SEMA3G: variants seen among roughly 807,000 people sequenced by gnomAD.
SEMA3G encodes semaphorin 3G.
A neutral mutation model predicts 86.2 loss-of-function variants in SEMA3G; 70 were observed. The observed-to-expected ratio is 0.81, with a 90% CI of 0.67 to 0.99. The LOEUF (loss-of-function observed/expected upper bound fraction) is 0.99. Ranked by LOEUF, SEMA3G falls within the 50% of genes least tolerant of loss-of-function variation. The probability of loss-of-function intolerance (pLI) is 0.00; values close to 1 mark genes in which losing one functional copy is unlikely to be tolerated. For synonymous variants in SEMA3G, 416 were observed against 441.4 expected (o/e 0.94, Z 0.72); for missense variants, 1,002 against 1,072.4 (o/e 0.93, Z 0.92).
chr3:52,442,016 G>A lies in SEMA3G; in HGVS notation c.460-107C>T, dbSNP rs544165383. The A allele has an allele frequency of 5.5e-5, 72 of 1,312,540 alleles. No individual in the cohort carries two copies. The highest frequency in any genetic ancestry group is 4.1e-4 in the Admixed American group (19 of 46,818). The allele number at this position is 1,312,540 out of a possible 1,614,324, so 81.3% of individuals were successfully genotyped here. ...GTGCGGCCAGAGAGCGGGGGTGGGC[G>A]GAAGGCGTCCTCATCCAGGGCCCCT... is the stretch of plus-strand genomic sequence containing the variant. On this transcript the variant is annotated intron_variant, in intron 4 of 15. Coordinates refer to ENST00000231721, the MANE Select transcript of SEMA3G (RefSeq NM_020163.3). This position sits in a 1 kb window ranked among gnomAD's most constrained non-coding sequence, Gnocchi z 6.1.
chr3:52,442,866 G>T lies in SEMA3G; in HGVS notation c.157C>A (p.Gln53Lys). 6.2e-7 allele frequency: 1 copy of T among 1,608,620 alleles called. No homozygotes were observed. The highest frequency in any genetic ancestry group is 8.5e-7 in the Non-Finnish European group (1 of 1,177,538). ...ATGGCCTGGAGGTTCAGGGAGCCCT[G>T]GGGGCCCAGAAAGATGGCAGAGCGG... ...ANRSAIFLGP[Q>K]GSLNLQAMYL... The change falls in exon 2 of 16, where the codon CAG becomes AAG. Residue 53 changes from glutamine to lysine, a missense_variant. Gln to Lys is a moderately conservative substitution (Grantham distance 53). Transcript: ENST00000231721. This position sits in a 1 kb window ranked among gnomAD's most constrained non-coding sequence, Gnocchi z 6.1.
In SEMA3G at chr3:52,441,012, A is replaced by G; in HGVS notation, c.850T>C (p.Trp284Arg). Reference sequence around the variant, plus strand: ...AGCCTGGCCTTGAGGAAAGTGCTCCATTTGTTCACCAGCACCCGCTGGCCC... The same window carrying G: ...AGCCTGGCCTTGAGGAAAGTGCTCCGTTTGTTCACCAGCACCCGCTGGCCC... ...AGGQRVLVNK[W>R]STFLKARLVC... Residue 284 changes from tryptophan to arginine, a missense_variant, in exon 8 of 16, where the codon TGG becomes CGG. Trp to Arg is a moderately radical substitution (Grantham distance 101). Transcript: ENST00000231721. 6.2e-7 allele frequency: 1 copy of G among 1,603,890 alleles called. No individual in the cohort carries two copies. Among genetic ancestry groups the G allele is most frequent in the Non-Finnish European group, 8.5e-7 (1 of 1,179,544 alleles).
rs200142915 is a variant in SEMA3G, at chr3:52,436,003, G to T, written c.1949C>A (p.Ala650Glu). The part of the protein sequence containing the change: ...LLFRRLSRFD[A>E]GTYTCTTLEH... Reference sequence around the variant, plus strand: ...CAGAGTGGTGCAGGTGTAGGTGCCCGCATCGAAACGGCTAAGCCTGCGGAA... The same window carrying T: ...CAGAGTGGTGCAGGTGTAGGTGCCCTCATCGAAACGGCTAAGCCTGCGGAA... The change falls in exon 16 of 16, where the codon GCG becomes GAG. Residue 650 changes from alanine (A) to glutamate (E), a missense_variant. Ala to Glu is a moderately radical substitution (Grantham distance 107). Coordinates refer to ENST00000231721, the MANE Select transcript of SEMA3G (RefSeq NM_020163.3). 2.5e-6 allele frequency: 4 copies of T among 1,613,790 alleles called. No homozygotes were observed. The highest frequency in any genetic ancestry group is 2.2e-5 in the East Asian group (1 of 44,882).
Position 52,441,849 on chromosome 3 carries a change from G to A in SEMA3G, c.520C>T (p.Pro174Ser). 6.2e-7 allele frequency: 1 copy of A among 1,601,064 alleles called. No homozygotes were observed. The highest frequency in any genetic ancestry group is 8.5e-7 in the Non-Finnish European group (1 of 1,174,038). Reference protein sequence around the residue: ...ESGRGRCPHEPSRPFASTFID... With the variant: ...ESGRGRCPHESSRPFASTFID... ...AAGGTGCTGGCAAAGGGACGGCTGG[G>A]CTCGTGAGGGCACCGCCCCCGGCCA... Residue 174 changes from proline to serine, a missense_variant, in exon 5 of 16, where the codon CCC becomes TCC. Coordinates refer to ENST00000231721, the MANE Select transcript of SEMA3G (RefSeq NM_020163.3).
chr3:52,438,823 A>G (rs1378641033), intron 13 of SEMA3G, 97 bp downstream of exon 13: 5 of 1,567,966 alleles, frequency 3.2e-6, no homozygotes, highest in African/African-American at 2.7e-5. Context: ...CCCAGACTAC[A>G]GTGGAGCTCG....
intron 13 of SEMA3G, 101 bp downstream of exon 13, chr3:52,438,819 C>T: frequency 6.4e-7 from 1 of 1,564,200 alleles, no homozygotes; most frequent in East Asian, 2.3e-5. Flanking sequence ...TTTCCCCAGA[C>T]TACAGTGGAG....
rs1705998790 is a variant in SEMA3G at position 52,433,989 on chromosome 3, G to A, written c.*1614C>T. 1.3e-5 allele frequency: 2 copies of A among 152,132 alleles called. No homozygotes were observed. Among genetic ancestry groups the A allele is most frequent in the African/African-American group, 4.8e-5 (2 of 41,428 alleles). The allele number at this position is 152,132 out of a possible 1,614,324, so 9.4% of individuals were successfully genotyped here. A position where few individuals can be genotyped will look rare whatever the true frequency, so the allele number is the denominator to read the frequency against. On this transcript the variant is annotated 3_prime_UTR_variant, in exon 16 of 16. Coordinates refer to ENST00000231721, the MANE Select transcript of SEMA3G (RefSeq NM_020163.3). ...TACATGGTCAAAGGGGAGAACGGAG[G>A]GACTATTTCAGGTCCCAGTTCTCTG...
chr3:52,435,766 A>G lies in SEMA3G; in HGVS notation c.2186T>C (p.Val729Ala). The G allele has an allele frequency of 6.2e-7, 1 of 1,614,080 alleles. No homozygotes were observed. The highest frequency in any genetic ancestry group is 1.1e-5 in the South Asian group (1 of 91,084). ...GCATTCCGTGGTGCCCCTGCACCAC[A>G]CGCGCTCACAGTACTCATCCACCCG... Reference protein sequence around the residue: ...LPRVDEYCERVWCRGTTECSG... With the variant: ...LPRVDEYCERAWCRGTTECSG... The change falls in exon 16 of 16, where the codon GTG becomes GCG. Residue 729 changes from valine to alanine, a missense_variant. Transcript: ENST00000231721.
At chr3:52,437,709 C>A in intron 14 of SEMA3G, 43 bp from the exon 15 acceptor site, 1 of 1,585,280 alleles carries the variant, frequency 6.3e-7, no homozygotes, top group Non-Finnish European at 8.6e-7. Flanking sequence ...AACTATGGGA[C>A]CCAGATCCCA....
chr3:52,439,468 T>A (rs934340688), intron 12 of SEMA3G, among the ~76,000 whole-genome samples: 3 of 152,202 alleles, frequency 2.0e-5, no homozygotes, highest in South Asian at 2.1e-4. Context: ...GGGCCTCCAG[T>A]CATTCATAAG....
At position 52,442,082 on chromosome 3, in the gene SEMA3G, C is replaced by G; in HGVS notation, c.459+103G>C. On this transcript the variant is annotated intron_variant, in intron 4 of 15. Transcript: ENST00000231721. The surrounding 1 kb of genome is among the most constrained non-coding windows in gnomAD (Gnocchi z 6.1). ...CCCCAACACAAAGGCGCCTTTCAGG[C>G]CCCTGCCCCTCTGTCCCTACCCAGG... The G allele has an allele frequency of 6.8e-7, 1 of 1,472,754 alleles. No homozygotes were observed. Among genetic ancestry groups the G allele is most frequent in the Non-Finnish European group, 9.1e-7 (1 of 1,097,178 alleles). 91.2% of individuals were successfully genotyped at this position (1,472,754 alleles called of 1,614,324 possible). A position where few individuals can be genotyped will look rare whatever the true frequency, so the allele number is the denominator to read the frequency against.
Position 52,434,411 on chromosome 3 carries a change from C to G in SEMA3G, c.*1192G>C, listed in dbSNP as rs1706005495. The G allele has an allele frequency of 6.6e-6, 1 of 151,970 alleles. No homozygotes were observed. The highest frequency in any genetic ancestry group is 2.4e-5 in the African/African-American group (1 of 41,358). The allele number at this position is 151,970 out of a possible 1,614,324, so 9.4% of individuals were successfully genotyped here. A position where few individuals can be genotyped will look rare whatever the true frequency, so the allele number is the denominator to read the frequency against. On this transcript the variant is annotated 3_prime_UTR_variant, in exon 16 of 16. Transcript: ENST00000231721. This position sits in a 1 kb window ranked among gnomAD's most constrained non-coding sequence, Gnocchi z 5.2. ...CCTTGTTTCCCCCTTAAAAGAAAAA[C>G]AGTCTTCCTAAATCCATTTAGCATA...
chr3:52,440,158 G>A lies in SEMA3G; in HGVS notation c.1144-60C>T, dbSNP rs552423678. 122 of 1,393,336 alleles carry A rather than the reference G, an allele frequency of 8.8e-5. 1 individual carries two copies. The highest frequency in any genetic ancestry group is 9.7e-5 in the Non-Finnish European group (100 of 1,026,386). The allele number at this position is 1,393,336 out of a possible 1,614,324, so 86.3% of individuals were successfully genotyped here. Reference sequence around the variant, plus strand: ...CCTGAGACAGCACACACCCTCCACCGCCAGTCTGTTTCCACCCCAACCAGG... The same window carrying A: ...CCTGAGACAGCACACACCCTCCACCACCAGTCTGTTTCCACCCCAACCAGG... On this transcript the variant is annotated intron_variant, in intron 10 of 15. Transcript: ENST00000231721.
rs1477142505 is a variant in SEMA3G at position 52,435,329 on chromosome 3, C to T, written c.*274G>A. ...CGGAAATGTGTTGCGGAAGCCAGGC[C>T]ATCTCTGAGAACAAATGGCAGATCC... On this transcript the variant is annotated 3_prime_UTR_variant, in exon 16 of 16. Transcript: ENST00000231721. 2 of 515,238 alleles carry T rather than the reference C, an allele frequency of 3.9e-6. No homozygotes were observed. Among genetic ancestry groups the T allele is most frequent in the East Asian group, 3.3e-5 (1 of 30,168 alleles). 31.9% of individuals were successfully genotyped at this position (515,238 alleles called of 1,614,324 possible). A position where few individuals can be genotyped will look rare whatever the true frequency, so the allele number is the denominator to read the frequency against.
rs1706172370 is a variant in SEMA3G at position 52,442,227 on chromosome 3, G to A, written c.417C>T (p.Phe139=). The stretch of plus-strand genomic sequence containing the variant: ...CTGTGATGAGGGCACAGGTGGGCTG[G>A]AAGGCCCCAGTGCCACAGGCTAGCA... The part of the protein sequence containing the change: ...THLLACGTGA[F]QPTCALITVG... The change falls in exon 4 of 16, where the codon TTC becomes TTT. Residue 139 remains phenylalanine, a synonymous_variant. Coordinates refer to ENST00000231721, the MANE Select transcript of SEMA3G (RefSeq NM_020163.3). The surrounding 1 kb of genome is among the most constrained non-coding windows in gnomAD (Gnocchi z 6.1). The A allele has an allele frequency of 5.0e-6, 8 of 1,613,910 alleles. No individual in the cohort carries two copies. Among genetic ancestry groups the A allele is most frequent in the Non-Finnish European group, 6.8e-6 (8 of 1,179,922 alleles).
Position 52,440,704 on chromosome 3 carries a change from G to A in SEMA3G, c.998+50C>T, listed in dbSNP as rs1706135211. ...AGTACAGTCACAGGTCACCGAATCA[G>A]GGACAAAGACAGGGGCCCATCGCAA... On this transcript the variant is annotated intron_variant, in intron 9 of 15. Transcript: ENST00000231721. The A allele has an allele frequency of 3.0e-5, 47 of 1,558,162 alleles. 1 individual carries two copies. Among genetic ancestry groups the A allele is most frequent in the Non-Finnish European group, 4.0e-5 (46 of 1,139,330 alleles).
chr3:52,440,279 G>A, intron 10 of SEMA3G, 98 bp downstream of exon 10: 1 of 1,343,694 alleles, frequency 7.4e-7, no homozygotes, highest in Non-Finnish European at 1.0e-6. Flanking sequence ...AACGTCCGCT[G>A]CCGTGGGGGT....
At chr3:52,436,504 TACACACATACAATGTGCGTGTGCCCAC>T (rs1285131396) in intron 15 of SEMA3G, among the ~76,000 whole-genome samples, 1 of 152,246 alleles carries the variant, frequency 6.6e-6, no homozygotes, top group African/African-American at 2.4e-5. Context: ...CTCCCTATGC[TACACACATACAATGTGCGTGTGCCCAC>T]GCACACATGC....
chr3:52,439,004 G>A (rs761738879), intron 12 of SEMA3G, 43 bp from the exon 13 acceptor site: 17 of 1,600,732 alleles, frequency 1.1e-5, no homozygotes, highest in Non-Finnish European at 1.3e-5. Flanking sequence ...GGTGGACCAA[G>A]ACCTGCCCCT....
Sources: gnomAD v4.1 joint callset for allele counts (sites outside exome capture counted in the v4.1 genomes callset) on GRCh38, gnomAD v4.1.1 for gene constraint, Gnocchi (gnomAD v3.1) non-coding constraint, MANE v1.5 for transcripts, NCBI Gene and HGNC (gene_info 2026-07-23, HGNC 2026-07-21) for gene names.